The following CNTN4 variants were observed in gnomAD, a reference collection of about 807,000 sequenced individuals.
CNTN4 encodes the protein contactin-4.
Under a neutral mutation model 122.5 loss-of-function variants are expected in CNTN4, and 77 were observed. The observed-to-expected ratio is 0.63, with a 90% CI of 0.52 to 0.76. CNTN4 has a LOEUF of 0.76. Among genes scored for constraint, CNTN4 ranks in the 30% least tolerant of loss-of-function variants. The probability of loss-of-function intolerance (pLI) is 0.00; values close to 1 mark genes in which losing one functional copy is unlikely to be tolerated. For missense variants in CNTN4, 1,256 were observed against 1,259.1 expected (o/e 1.00, Z 0.04); for synonymous variants, 512 against 447.0 (o/e 1.15, Z -1.83).
intron 3 of CNTN4, among the ~76,000 whole-genome samples, chr3:2,454,845 T>A (rs1464143288): frequency 6.6e-6 from 1 of 152,196 alleles, no homozygotes; most frequent in Non-Finnish European, 1.5e-5. Flanking sequence ...ACTTTTTCGA[T>A]CACATTTATC....
chr3:2,784,014 C>T (rs925029161), intron 6 of CNTN4, among the ~76,000 whole-genome samples: 4 of 152,152 alleles, frequency 2.6e-5, no homozygotes, highest in East Asian at 1.9e-4. Context: ...GTATATTTGT[C>T]AGGGAATAGA....
chr3:2,629,634 T>TG (rs1447967256), intron 4 of CNTN4: 2 of 426,994 alleles, frequency 4.7e-6, no homozygotes, highest in Non-Finnish European at 4.6e-6. Context: ...CCAGCTTTCT[T>TG]AGTTTTCCAC....
chr3:2,737,381 C>G (rs1371200898), intron 5 of CNTN4, among the ~76,000 whole-genome samples: 1 of 152,020 alleles, frequency 6.6e-6, no homozygotes, highest in Non-Finnish European at 1.5e-5. Context: ...ACGCCCAGCC[C>G]GTAAAGAGCT....
chr3:3,051,392 T>C (rs1314431674), intron 23 of CNTN4, among the ~76,000 whole-genome samples: 1 of 152,198 alleles, frequency 6.6e-6, no homozygotes, highest in South Asian at 2.1e-4. Context: ...ACTGCAAGAC[T>C]GATAAGCAGT....
chr3:2,411,791 C>T (rs935672016), intron 3 of CNTN4, among the ~76,000 whole-genome samples: 5 of 151,978 alleles, frequency 3.3e-5, no homozygotes, highest in Admixed American at 1.3e-4. Context: ...TTTATTCTGT[C>T]GTTGCTGTAT....
rs570459214 is a variant in CNTN4 at position 2,783,730 on chromosome 3, A to G, written c.359-35756A>G. ...ATGTTATAAAACAGCATTTGAACTCAAGACTATAGAAGAGTTGTAACGTAA... is the reference window on the plus strand; with the variant it reads ...ATGTTATAAAACAGCATTTGAACTCGAGACTATAGAAGAGTTGTAACGTAA... On this transcript the variant is annotated intron_variant, in intron 6 of 24. Transcript: ENST00000418658. 2.0e-5 allele frequency among the ~76,000 whole-genome samples: 3 copies of G among 152,342 alleles called. 1 individual carries two copies. Among genetic ancestry groups the G allele is most frequent in the African/African-American group, 7.2e-5 (3 of 41,596 alleles).
chr3:2,550,378 T>C lies in CNTN4; in HGVS notation c.-88-21038T>C, dbSNP rs143382010. Among the ~76,000 whole-genome samples the C allele has an allele frequency of 8.6e-3, 1,303 of 152,208 alleles. 16 individuals are homozygous for C. Among genetic ancestry groups the C allele is most frequent in the African/African-American group, 0.03 (1,232 of 41,530 alleles). On this transcript the variant is annotated intron_variant, in intron 3 of 24. Transcript: ENST00000418658. ...TCATCATCACTGGTCATTAGAGAAA[T>C]GCAAATCAAAACCACAGTGAGATAC...
intron 3 of CNTN4, among the ~76,000 whole-genome samples, chr3:2,368,750 G>C (rs72994070): frequency 6.6e-6 from 1 of 152,086 alleles, no homozygotes; most frequent in Non-Finnish European, 1.5e-5. Flanking sequence ...TCAAGTGTAT[G>C]GTTATGACTA....
At chr3:2,484,976 C>T (rs888755939) in intron 3 of CNTN4, among the ~76,000 whole-genome samples, 8 of 152,160 alleles carry the variant, frequency 5.3e-5, no homozygotes, top group East Asian at 1.9e-4. Context: ...TCCAGGTGGC[C>T]GTGGGCTCGG....
intron 3 of CNTN4, among the ~76,000 whole-genome samples, chr3:2,513,950 A>G (rs1040782769): frequency 6.6e-6 from 1 of 152,194 alleles, no homozygotes; most frequent in Non-Finnish European, 1.5e-5. Context: ...CTTGAATTGT[A>G]TATGTAAAGA....
chr3:2,559,618 C>T (rs574473081), intron 3 of CNTN4, among the ~76,000 whole-genome samples: 1 of 151,900 alleles, frequency 6.6e-6, no homozygotes, highest in East Asian at 1.9e-4. Flanking sequence ...ATCTTTCATA[C>T]CTGAGACCCA....
chr3:2,333,456 G>C lies in CNTN4; in HGVS notation c.-144-5722G>C, dbSNP rs747297743. Among the ~76,000 whole-genome samples, 53 of 152,186 alleles carry C rather than the reference G, an allele frequency of 3.5e-4. 1 individual carries two copies. The highest frequency in any genetic ancestry group is 6.0e-4 in the Non-Finnish European group (41 of 68,036). On this transcript the variant is annotated intron_variant, in intron 2 of 24. Transcript: ENST00000418658. ...AAGGTAATGACTTTTTTCTCACTTC[G>C]TGAGAGCTGTAGGGACCCTTGTTAT...
rs557920502 is a variant in CNTN4, at chr3:2,844,107, C to T, written c.455-22645C>T. On this transcript the variant is annotated intron_variant, in intron 7 of 24. Coordinates refer to ENST00000418658, the MANE Select transcript of CNTN4 (RefSeq NM_175607.3). ...AGCAATGGGGCCTTTGTGAGTGTTG[C>T]TCCCATGCCTTGAATGTGAGTCCCC... 6.6e-4 allele frequency among the ~76,000 whole-genome samples: 101 copies of T among 152,288 alleles called. 3 individuals are homozygous for T. The South Asian group carries it at 0.02, about 30-fold the overall frequency.
chr3:3,026,091 T>A lies in CNTN4; in HGVS notation c.1487-11T>A, dbSNP rs751342811. 2 of 1,612,014 alleles carry A rather than the reference T, an allele frequency of 1.2e-6. No homozygotes were observed. The highest frequency in any genetic ancestry group is 2.7e-5 in the African/African-American group (2 of 74,864). On this transcript the variant is annotated splice_polypyrimidine_tract_variant and intron_variant, in intron 14 of 24. Coordinates refer to ENST00000418658, the MANE Select transcript of CNTN4 (RefSeq NM_175607.3). ...GTTGTTGTTATTGTTTGTTTTGTTT[T>A]AACTCTCCAGATCCAACAAGGGTAA...
chr3:2,283,365 T>G (rs906117426), intron 2 of CNTN4, among the ~76,000 whole-genome samples: 2 of 152,094 alleles, frequency 1.3e-5, no homozygotes, highest in African/African-American at 4.8e-5. Flanking sequence ...CTTTATAATG[T>G]TAACTTAGTA....
intron 2 of CNTN4, among the ~76,000 whole-genome samples, chr3:2,245,127 T>G (rs2040092479): frequency 6.6e-6 from 1 of 152,026 alleles, no homozygotes; most frequent in East Asian, 1.9e-4. Flanking sequence ...CAAACAGAAT[T>G]GTTCCCATAT....
intron 7 of CNTN4, among the ~76,000 whole-genome samples, chr3:2,820,959 TTC>T (rs1233522605): frequency 1.0e-5 from 1 of 98,660 alleles, no homozygotes; most frequent in Non-Finnish European, 2.1e-5. Context: ...CATTTTCTCT[TTC>T]TTTTTTTTTT....
intron 2 of CNTN4, among the ~76,000 whole-genome samples, chr3:2,191,696 A>G (rs1006396584): frequency 7.4e-4 from 22 of 29,824 alleles, no homozygotes; most frequent in South Asian, 2.5e-3. Context: ...AATTCTATGT[A>G]TATATATATA....
At chr3:2,507,775 CTT>C (rs768677789) in intron 3 of CNTN4, among the ~76,000 whole-genome samples, 1 of 141,200 alleles carries the variant, frequency 7.1e-6, no homozygotes, top group Admixed American at 7.1e-5. Flanking sequence ...AGAAAATTGG[CTT>C]TTTTTTTTTA....
Sources: gnomAD v4.1 joint callset for allele counts (sites outside exome capture counted in the v4.1 genomes callset) on GRCh38, gnomAD v4.1.1 for gene constraint, MANE v1.5 for transcripts, NCBI Gene and HGNC (gene_info 2026-07-23, HGNC 2026-07-21) for gene names.